Variants in FOXL2NB observed in about 807,000 individuals in gnomAD.
The protein encoded by FOXL2NB is FOXL2 neighbor.
Under a neutral mutation model 7.4 loss-of-function variants are expected in FOXL2NB, and 10 were observed. The observed-to-expected ratio is 1.34, with a 90% CI of 0.83 to 2.28. The LOEUF is 2.28. Ranked by LOEUF, FOXL2NB falls within the 30% of genes most tolerant of loss-of-function variation. The pLI, the probability that FOXL2NB is intolerant of heterozygous loss-of-function variation, is 0.00. For synonymous variants in FOXL2NB, 104 were observed against 105.3 expected (o/e 0.99, Z 0.08); for missense variants, 228 against 233.9 (o/e 0.97, Z 0.17).
rs546443441 is a variant in FOXL2NB, at chr3:138,950,396, G to A, written c.352G>A (p.Ala118Thr). ...GCTAGAACCACTCAGCTCGTCCCGC[G>A]CCGCCGCCGGCTGCCTGAACCAGGT... Reference protein sequence around the residue: ...ASLEPLSSSRAAAGCLNQVPL... With the variant: ...ASLEPLSSSRTAAGCLNQVPL... Residue 118 changes from alanine (A) to threonine (T), a missense_variant, in exon 3 of 3, where the codon GCC (alanine) becomes ACC (threonine). By Grantham distance (58) the Ala-to-Thr change is moderately conservative. Coordinates refer to ENST00000383165, the MANE Select transcript of FOXL2NB (RefSeq NM_001040061.3). 1.6e-5 allele frequency: 26 copies of A among 1,613,206 alleles called. No individual in the cohort carries two copies. The highest frequency in any genetic ancestry group is 2.2e-5 in the South Asian group (2 of 91,070).
rs1014296817 is a variant in FOXL2NB at position 138,949,197 on chromosome 3, T to C, written c.101-323T>C. Among the ~76,000 whole-genome samples the C allele has an allele frequency of 7.7e-5, 11 of 142,766 alleles. No homozygotes were observed. In the Admixed American group the frequency reaches 7.9e-4, roughly 10 times the overall value. 93.7% of individuals were successfully genotyped at this position (142,766 alleles called of 152,430 possible). On this transcript the variant is annotated intron_variant, in intron 1 of 2. Coordinates refer to ENST00000383165, the MANE Select transcript of FOXL2NB (RefSeq NM_001040061.3). The surrounding 1 kb of genome is among the most constrained non-coding windows in gnomAD (Gnocchi z 4.5). ...GGGGCTCCTCTCTCCTTTTCTCTCC[T>C]TTTTTTTTTTCTTGACCACCCAGGC...
Position 138,951,706 on chromosome 3 carries a change from C to G in FOXL2NB, c.*1134C>G, listed in dbSNP as rs1219300048. On this transcript the variant is annotated 3_prime_UTR_variant, in exon 3 of 3. Coordinates refer to ENST00000383165, the MANE Select transcript of FOXL2NB (RefSeq NM_001040061.3). ...TATGGCCCAAAGCCATTTTGTTCAG[C>G]TCTGAACAGTGAGTGCCTTGCCAGT... The G allele has an allele frequency of 2.6e-5, 4 of 152,216 alleles. No individual in the cohort carries two copies. The highest frequency in any genetic ancestry group is 9.7e-5 in the African/African-American group (4 of 41,442). The allele number at this position is 152,216 out of a possible 1,614,324, so 9.4% of individuals were successfully genotyped here.
chr3:138,949,712 C>T lies in FOXL2NB; in HGVS notation c.220+73C>T, dbSNP rs1440082310. On this transcript the variant is annotated intron_variant, in intron 2 of 2. Coordinates refer to ENST00000383165, the MANE Select transcript of FOXL2NB (RefSeq NM_001040061.3). The surrounding 1 kb of genome is among the most constrained non-coding windows in gnomAD (Gnocchi z 4.5). Reference sequence around the variant, plus strand: ...CCCCTCCAGGCTTCTGCGGAAAAGCCAGGGGCTTCGGGCTGGAGATAGAGG... The same window carrying T: ...CCCCTCCAGGCTTCTGCGGAAAAGCTAGGGGCTTCGGGCTGGAGATAGAGG... The T allele has an allele frequency of 6.2e-7, 1 of 1,602,852 alleles. No homozygotes were observed. The highest frequency in any genetic ancestry group is 8.5e-7 in the Non-Finnish European group (1 of 1,171,900).
Position 138,947,336 on chromosome 3 carries a change from G to A in FOXL2NB, c.-29G>A. 1.3e-6 allele frequency: 2 copies of A among 1,526,730 alleles called. No individual in the cohort carries two copies. The highest frequency in any genetic ancestry group is 8.9e-7 in the Non-Finnish European group (1 of 1,129,816). 94.6% of individuals were successfully genotyped at this position (1,526,730 alleles called of 1,614,324 possible). ...GGCTCACGCGCCCTTGAAATCTGCC[G>A]GTACTCGCTCTGCGGGCTGGGCTGG... On this transcript the variant is annotated 5_prime_UTR_variant, in exon 1 of 3. Coordinates refer to ENST00000383165, the MANE Select transcript of FOXL2NB (RefSeq NM_001040061.3). The surrounding 1 kb of genome is among the most constrained non-coding windows in gnomAD (Gnocchi z 5.2).
chr3:138,947,777 C>T lies in FOXL2NB; in HGVS notation c.100+313C>T, dbSNP rs1411937595. On this transcript the variant is annotated intron_variant, in intron 1 of 2. Coordinates refer to ENST00000383165, the MANE Select transcript of FOXL2NB (RefSeq NM_001040061.3). The surrounding 1 kb of genome is among the most constrained non-coding windows in gnomAD (Gnocchi z 5.2). ...CCTGCGTTACCAGTGGATCTAGGAACCAGGAATCCGTGTACTAATCCTACG... is the reference window on the plus strand; with the variant it reads ...CCTGCGTTACCAGTGGATCTAGGAATCAGGAATCCGTGTACTAATCCTACG... 8.9e-7 allele frequency: 1 copy of T among 1,125,134 alleles called. No homozygotes were observed. Among genetic ancestry groups the T allele is most frequent in the Non-Finnish European group, 1.1e-6 (1 of 918,270 alleles). The allele number at this position is 1,125,134 out of a possible 1,614,324, so 69.7% of individuals were successfully genotyped here. A position where few individuals can be genotyped will look rare whatever the true frequency, so the allele number is the denominator to read the frequency against.
Position 138,949,399 on chromosome 3 carries a change from T to C in FOXL2NB, c.101-121T>C, listed in dbSNP as rs988226411. 6.5e-6 allele frequency: 7 copies of C among 1,073,590 alleles called. No individual in the cohort carries two copies. The highest frequency in any genetic ancestry group is 9.5e-6 in the Non-Finnish European group (7 of 739,536). The allele number at this position is 1,073,590 out of a possible 1,614,324, so 66.5% of individuals were successfully genotyped here. Reference sequence around the variant, plus strand: ...GTGTGTGTATGCATGTGCGTGTGTGTGTGTGTGTGTGTGTGTGTAGGGGTT... The same window carrying C: ...GTGTGTGTATGCATGTGCGTGTGTGCGTGTGTGTGTGTGTGTGTAGGGGTT... On this transcript the variant is annotated intron_variant, in intron 1 of 2. Coordinates refer to ENST00000383165, the MANE Select transcript of FOXL2NB (RefSeq NM_001040061.3). This position sits in a 1 kb window ranked among gnomAD's most constrained non-coding sequence, Gnocchi z 4.5.
In FOXL2NB at chr3:138,947,453, C is replaced by T. The variant is rs1274096545; in HGVS notation, c.89C>T (p.Ser30Leu). 3 of 1,535,598 alleles carry T rather than the reference C, an allele frequency of 2.0e-6. No homozygotes were observed. Among genetic ancestry groups the T allele is most frequent in the East Asian group, 2.5e-5 (1 of 39,906 alleles). Reference sequence around the variant, plus strand: ...CGAGGAAAGGCGCTCCAAGCCTCCTCGCGGCTTTCAGGTGAAAGAAAACGA... The same window carrying T: ...CGAGGAAAGGCGCTCCAAGCCTCCTTGCGGCTTTCAGGTGAAAGAAAACGA... Reference protein sequence around the residue: ...PQRGKALQASSRLSESPALVK... With the variant: ...PQRGKALQASLRLSESPALVK... Residue 30 changes from serine (S) to leucine (L), a missense_variant, in exon 1 of 3, where the codon TCG becomes TTG. Physicochemically the swap from Ser to Leu is moderately radical, Grantham distance 145. Transcript: ENST00000383165. This position sits in a 1 kb window ranked among gnomAD's most constrained non-coding sequence, Gnocchi z 5.2.
In FOXL2NB at chr3:138,949,674, AT is replaced by A. The variant is rs1461916219; in HGVS notation, c.220+37del. The A allele has an allele frequency of 1.9e-6, 3 of 1,613,716 alleles. No individual in the cohort carries two copies. Among genetic ancestry groups the A allele is most frequent in the Non-Finnish European group, 2.5e-6 (3 of 1,179,896 alleles). On this transcript the variant is annotated intron_variant, in intron 2 of 2. Transcript: ENST00000383165. This position sits in a 1 kb window ranked among gnomAD's most constrained non-coding sequence, Gnocchi z 4.5. The stretch of plus-strand genomic sequence containing the variant: ...TGCGGGCGGGAAAGCTGGCAGAATG[AT>A]TACTTTCAGGTCCCCTCCAGGCTTC...
At chr3:138,950,075 T>G (rs1386942216) in intron 2 of FOXL2NB, 190 bp from the exon 3 acceptor site, 1 of 728,218 alleles carries the variant, frequency 1.4e-6, no homozygotes. Context: ...CAGCTGCAAT[T>G]CAGCAGCCAC....
rs1199316591 is a variant in FOXL2NB, at chr3:138,952,659, G to A, written c.*2087G>A. The A allele has an allele frequency of 6.6e-6, 1 of 150,658 alleles. No homozygotes were observed. Among genetic ancestry groups the A allele is most frequent in the African/African-American group, 2.5e-5 (1 of 40,600 alleles). 9.3% of individuals were successfully genotyped at this position (150,658 alleles called of 1,614,324 possible). A position where few individuals can be genotyped will look rare whatever the true frequency, so the allele number is the denominator to read the frequency against. ...CTCCCAAGTAGCTGGGACTATGGGTGTGAGCCAACACACTCAGCTAATTTT... is the reference window on the plus strand; with the variant it reads ...CTCCCAAGTAGCTGGGACTATGGGTATGAGCCAACACACTCAGCTAATTTT... On this transcript the variant is annotated 3_prime_UTR_variant, in exon 3 of 3. Coordinates refer to ENST00000383165, the MANE Select transcript of FOXL2NB (RefSeq NM_001040061.3).
Position 138,949,837 on chromosome 3 carries a change from C to A in FOXL2NB, c.220+198C>A. ...GTGCGGGGCGCCCTGATTTACTTCT[C>A]AACCTTCGGAGGTAGGCTGGTTGCT... On this transcript the variant is annotated intron_variant, in intron 2 of 2. Coordinates refer to ENST00000383165, the MANE Select transcript of FOXL2NB (RefSeq NM_001040061.3). The surrounding 1 kb of genome is among the most constrained non-coding windows in gnomAD (Gnocchi z 4.5). The A allele has an allele frequency of 1.3e-6, 1 of 765,256 alleles. No homozygotes were observed. The highest frequency in any genetic ancestry group is 1.5e-5 in the South Asian group (1 of 68,400). 47.4% of individuals were successfully genotyped at this position (765,256 alleles called of 1,614,324 possible).
intron 1 of FOXL2NB, among the ~76,000 whole-genome samples, chr3:138,948,918 G>A (rs1356140800): frequency 6.6e-6 from 1 of 152,198 alleles, no homozygotes; most frequent in African/African-American, 2.4e-5. Flanking sequence ...AAAGTAGCTT[G>A]GTTTTTTTTA....
In FOXL2NB at chr3:138,949,665, G is replaced by A. The variant is rs1175017397; in HGVS notation, c.220+26G>A. ...GCAAGAAAATGCGGGCGGGAAAGCT[G>A]GCAGAATGATTACTTTCAGGTCCCC... On this transcript the variant is annotated intron_variant, in intron 2 of 2. Coordinates refer to ENST00000383165, the MANE Select transcript of FOXL2NB (RefSeq NM_001040061.3). This position sits in a 1 kb window ranked among gnomAD's most constrained non-coding sequence, Gnocchi z 4.5. 1 of 1,613,812 alleles carries A rather than the reference G, an allele frequency of 6.2e-7. No individual in the cohort carries two copies. The highest frequency in any genetic ancestry group is 1.3e-5 in the African/African-American group (1 of 74,904).
Position 138,949,683 on chromosome 3 carries a change from A to C in FOXL2NB, c.220+44A>C. 6.2e-7 allele frequency: 1 copy of C among 1,613,336 alleles called. No homozygotes were observed. The highest frequency in any genetic ancestry group is 8.5e-7 in the Non-Finnish European group (1 of 1,179,710). On this transcript the variant is annotated intron_variant, in intron 2 of 2. Coordinates refer to ENST00000383165, the MANE Select transcript of FOXL2NB (RefSeq NM_001040061.3). The surrounding 1 kb of genome is among the most constrained non-coding windows in gnomAD (Gnocchi z 4.5). ...GAAAGCTGGCAGAATGATTACTTTC[A>C]GGTCCCCTCCAGGCTTCTGCGGAAA... is the stretch of plus-strand genomic sequence containing the variant.
Position 138,949,196 on chromosome 3 carries a change from CT to C in FOXL2NB, c.101-313del, listed in dbSNP as rs1231942422. ...GGGGGCTCCTCTCTCCTTTTCTCTC[CT>C]TTTTTTTTTTCTTGACCACCCAGGC... On this transcript the variant is annotated intron_variant, in intron 1 of 2. Transcript: ENST00000383165. The surrounding 1 kb of genome is among the most constrained non-coding windows in gnomAD (Gnocchi z 4.5). Among the ~76,000 whole-genome samples, 703 of 146,248 alleles carry C rather than the reference CT, an allele frequency of 4.8e-3. 6 individuals carry two copies. Among genetic ancestry groups the C allele is most frequent in the African/African-American group, 0.015 (615 of 40,110 alleles).
chr3:138,953,746 C>G lies in FOXL2NB; in HGVS notation c.*3174C>G, dbSNP rs1936178077. ...GGAAACCATATTTGGATTTCTATCA[C>G]CATAAATAACCTTTGCCTGCCTTGA... On this transcript the variant is annotated 3_prime_UTR_variant, in exon 3 of 3. Transcript: ENST00000383165. Among the ~76,000 whole-genome samples, 1 of 152,320 alleles carries G rather than the reference C, an allele frequency of 6.6e-6. No individual in the cohort carries two copies. The highest frequency in any genetic ancestry group is 1.5e-5 in the Non-Finnish European group (1 of 68,026).
At position 138,950,982 on chromosome 3, in the gene FOXL2NB, C is replaced by T. The variant is rs1217057022; in HGVS notation, c.*410C>T. 2.5e-5 allele frequency: 6 copies of T among 239,746 alleles called. No homozygotes were observed. The highest frequency in any genetic ancestry group is 4.8e-5 in the Non-Finnish European group (6 of 124,906). The allele number at this position is 239,746 out of a possible 1,614,324, so 14.9% of individuals were successfully genotyped here. On this transcript the variant is annotated 3_prime_UTR_variant, in exon 3 of 3. Coordinates refer to ENST00000383165, the MANE Select transcript of FOXL2NB (RefSeq NM_001040061.3). ...CCTGTGATTCGGGTGACTGGGCTGC[C>T]ACCTGGGTGTTTTCATGATGGGACT...
Position 138,947,553 on chromosome 3 carries a change from A to G in FOXL2NB, c.100+89A>G. 2.9e-6 allele frequency: 3 copies of G among 1,022,422 alleles called. No individual in the cohort carries two copies. 63.3% of individuals were successfully genotyped at this position (1,022,422 alleles called of 1,614,324 possible). On this transcript the variant is annotated intron_variant, in intron 1 of 2. Coordinates refer to ENST00000383165, the MANE Select transcript of FOXL2NB (RefSeq NM_001040061.3). The surrounding 1 kb of genome is among the most constrained non-coding windows in gnomAD (Gnocchi z 5.2). ...GGGGCTGGGGAGGGGCGAGACGGCG[A>G]GGGGGCTGGACGGGGTAGGGTGGGG...
chr3:138,950,498 G>T lies in FOXL2NB; in HGVS notation c.454G>T (p.Ala152Ser). 1 of 1,614,226 alleles carries T rather than the reference G, an allele frequency of 6.2e-7. No individual in the cohort carries two copies. Among genetic ancestry groups the T allele is most frequent in the South Asian group, 1.1e-5 (1 of 91,086 alleles). Reference sequence around the variant, plus strand: ...TCCTGAGCGGGAGAGAATAGAGCTTGCTGCAACCCTCTGCTTGGAGGGATG... The same window carrying T: ...TCCTGAGCGGGAGAGAATAGAGCTTTCTGCAACCCTCTGCTTGGAGGGATG... ...PAPERERIEL[A>S]ATLCLEGWPL... Residue 152 changes from alanine (A) to serine (S), a missense_variant, in exon 3 of 3, where the codon GCT becomes TCT. Coordinates refer to ENST00000383165, the MANE Select transcript of FOXL2NB (RefSeq NM_001040061.3).
Sources: allele counts gnomAD v4.1 joint callset (sites outside exome capture counted in the v4.1 genomes callset), GRCh38; gene constraint gnomAD v4.1.1; non-coding constraint Gnocchi (gnomAD v3.1); transcripts MANE v1.5; gene names NCBI Gene and HGNC (gene_info 2026-07-23, HGNC 2026-07-21).